SHROOM3: variants seen among roughly 807,000 people sequenced by gnomAD.
SHROOM3 encodes the protein protein Shroom3.
SHROOM3 carries 47 observed loss-of-function variants against 138.6 expected under a neutral mutation model. That is an observed-to-expected ratio of 0.34 (90% confidence interval 0.27 to 0.43). The LOEUF (loss-of-function observed/expected upper bound fraction) is 0.43. SHROOM3 is among the 20% of genes least tolerant of loss of function. SHROOM3 has a pLI of 1.00. For missense variants in SHROOM3, 2,491 were observed against 2,596.5 expected, an observed-to-expected ratio of 0.96 and a Z score of 0.88; for synonymous variants, 1,062 against 1,063.3, an observed-to-expected ratio of 1.00 and a Z score of 0.02.
intron 6 of SHROOM3, among the ~76,000 whole-genome samples, chr4:76,753,472 CAG>C (rs1721697698): frequency 6.6e-6 from 1 of 152,146 alleles, no homozygotes; most frequent in Admixed American, 6.5e-5. Flanking sequence ...CATAGCCAGT[CAG>C]GGAACTGCAG....
chr4:76,663,398 C>T (rs916996201), intron 2 of SHROOM3, among the ~76,000 whole-genome samples: 1 of 151,938 alleles, frequency 6.6e-6, no homozygotes, highest in Non-Finnish European at 1.5e-5. Context: ...TCTCATAAGC[C>T]TTTTATTTTT....
chr4:76,783,148 T>C lies in SHROOM3; in HGVS notation c.*3971T>C, dbSNP rs1474834609. 2.6e-5 allele frequency: 4 copies of C among 152,198 alleles called. No individual in the cohort carries two copies. The highest frequency in any genetic ancestry group is 2.0e-4 in the Admixed American group (3 of 15,270). The allele number at this position is 152,198 out of a possible 1,614,324, so 9.4% of individuals were successfully genotyped here. On this transcript the variant is annotated 3_prime_UTR_variant, in exon 11 of 11. Transcript: ENST00000296043. ...ATCTGTACAGTTCCTACTGTTATGATCACAATAAGACTAACATGAATTTAA... is the reference window on the plus strand; with the variant it reads ...ATCTGTACAGTTCCTACTGTTATGACCACAATAAGACTAACATGAATTTAA...
At chr4:76,771,380 ATGTACTGC>A (rs1420776824) in intron 10 of SHROOM3, among the ~76,000 whole-genome samples, 3 of 149,368 alleles carry the variant, frequency 2.0e-5, no homozygotes, top group Non-Finnish European at 3.0e-5. Flanking sequence ...AAAAAAAAAG[ATGTACTGC>A]TGTACTGCTG....
intron 10 of SHROOM3, among the ~76,000 whole-genome samples, chr4:76,771,205 C>G (rs1429335864): frequency 1.3e-5 from 2 of 152,096 alleles, no homozygotes; most frequent in African/African-American, 2.4e-5. Context: ...TGGTGAAACC[C>G]TGTCTCTACT....
chr4:76,590,802 G>C (rs549155197), intron 2 of SHROOM3, among the ~76,000 whole-genome samples: 17 of 152,066 alleles, frequency 1.1e-4, no homozygotes, highest in African/African-American at 4.1e-4. Context: ...ATATGGTTAG[G>C]AAAAAAGTGG....
chr4:76,773,105 A>G (rs344096), intron 10 of SHROOM3, among the ~76,000 whole-genome samples: 85,953 of 151,920 alleles, frequency 0.57, 24,277 homozygotes, highest in Non-Finnish European at 0.6. Flanking sequence ...GGCTGGGTGC[A>G]GTGGCTCACA....
At chr4:76,574,681 G>A (rs1384740304) in intron 2 of SHROOM3, among the ~76,000 whole-genome samples, 2 of 152,166 alleles carry the variant, frequency 1.3e-5, no homozygotes, top group African/African-American at 2.4e-5. Context: ...CAACATGGAT[G>A]AACCCTAAGG....
chr4:76,770,367 T>C (rs1722319815), intron 9 of SHROOM3, among the ~76,000 whole-genome samples: 1 of 146,062 alleles, frequency 6.8e-6, no homozygotes, highest in Admixed American at 6.9e-5. Context: ...GACAAAGCTG[T>C]ACATAGCATG....
At chr4:76,652,642 T>C (rs1047840314) in intron 2 of SHROOM3, among the ~76,000 whole-genome samples, 3 of 152,132 alleles carry the variant, frequency 2.0e-5, no homozygotes, top group Non-Finnish European at 2.9e-5. Context: ...ATAAAAGTTT[T>C]AATTTTTACA....
intron 2 of SHROOM3, among the ~76,000 whole-genome samples, chr4:76,697,565 A>G (rs946055519): frequency 6.6e-6 from 1 of 152,188 alleles, no homozygotes; most frequent in Non-Finnish European, 1.5e-5. Flanking sequence ...CTGGAGCCTT[A>G]TAATAGGTTG....
At chr4:76,596,258 A>T (rs1019704366) in intron 2 of SHROOM3, among the ~76,000 whole-genome samples, 2 of 152,136 alleles carry the variant, frequency 1.3e-5, no homozygotes, top group African/African-American at 4.8e-5. Flanking sequence ...CATATGAAAA[A>T]ATAGAGAGCC....
intron 1 of SHROOM3, among the ~76,000 whole-genome samples, chr4:76,473,704 A>G (rs1731425100): frequency 6.6e-6 from 1 of 152,258 alleles, no homozygotes; most frequent in Non-Finnish European, 1.5e-5. Flanking sequence ...GTCAATAAGC[A>G]CATGAAAAGA....
At chr4:76,535,243 T>C (rs867768915) in intron 1 of SHROOM3, among the ~76,000 whole-genome samples, 90 of 152,292 alleles carry the variant, frequency 5.9e-4, no homozygotes, top group African/African-American at 2.1e-3. Context: ...AAAATACCAG[T>C]TTTTTATAAT....
At chr4:76,503,723 T>C (rs1352021316) in intron 1 of SHROOM3, among the ~76,000 whole-genome samples, 1 of 152,142 alleles carries the variant, frequency 6.6e-6, no homozygotes, top group Non-Finnish European at 1.5e-5. Context: ...GCCACGGTGA[T>C]TGGCCATATA....
At chr4:76,690,621 T>C (rs1719499688) in intron 2 of SHROOM3, among the ~76,000 whole-genome samples, 1 of 152,242 alleles carries the variant, frequency 6.6e-6, no homozygotes, top group Non-Finnish European at 1.5e-5. Flanking sequence ...TGGTCGGATA[T>C]ATGGCTAGAT....
chr4:76,754,836 T>A lies in SHROOM3; in HGVS notation c.4353T>A (p.Phe1451Leu). 1.2e-6 allele frequency: 2 copies of A among 1,614,142 alleles called. No individual in the cohort carries two copies. The highest frequency in any genetic ancestry group is 1.6e-4 in the Middle Eastern group (1 of 6,062). Residue 1451 changes from phenylalanine (F) to leucine (L), a missense_variant, in exon 7 of 11, where the codon TTT becomes TTA. Physicochemically the swap from Phe to Leu is conservative, Grantham distance 22 (BLOSUM62 0). Transcript: ENST00000296043. ...SLPEESSAPD[F>L]ANLKHYQKQQ... ...CTGAGGAATCCTCAGCCCCTGATTTTGCAAACCTGAAGCACTATCAAAAAC... is the reference window on the plus strand; with the variant it reads ...CTGAGGAATCCTCAGCCCCTGATTTAGCAAACCTGAAGCACTATCAAAAAC...
chr4:76,577,083 T>C (rs12513013), intron 2 of SHROOM3, among the ~76,000 whole-genome samples: 40,873 of 152,040 alleles, frequency 0.27, 5,805 homozygotes, highest in Middle Eastern at 0.38. Flanking sequence ...CAAACCTTAA[T>C]TGAATTTCTG....
intron 1 of SHROOM3, among the ~76,000 whole-genome samples, chr4:76,503,965 GC>G (rs1732151963): frequency 6.6e-6 from 1 of 152,002 alleles, no homozygotes; most frequent in East Asian, 1.9e-4. Context: ...CAATTCTATA[GC>G]CCTTTCCCTG....
intron 2 of SHROOM3, among the ~76,000 whole-genome samples, chr4:76,697,580 C>G (rs1001753138): frequency 9.2e-5 from 14 of 152,118 alleles, no homozygotes; most frequent in Non-Finnish European, 1.9e-4. Flanking sequence ...AGGTTGGGTC[C>G]AAGCTTTACC....
Sources: allele counts gnomAD v4.1 joint callset (sites outside exome capture counted in the v4.1 genomes callset), GRCh38; gene constraint gnomAD v4.1.1; transcripts MANE v1.5; gene names NCBI Gene and HGNC (gene_info 2026-07-23, HGNC 2026-07-21).